Variants in PCM1 observed in about 807,000 individuals in gnomAD.
The protein encoded by PCM1 is pericentriolar material 1.
In PCM1, 157 loss-of-function variants were observed where a neutral mutation model predicts 241.9. That is an observed-to-expected ratio of 0.65 (90% CI 0.57 to 0.74). The LOEUF is 0.74. PCM1 is among the 30% of genes least tolerant of loss of function. The pLI, the probability that PCM1 is intolerant of heterozygous loss-of-function variation, is 0.00. For synonymous variants in PCM1, 1,085 were observed against 784.9 expected (o/e 1.38, Z -6.39); for missense variants, 3,478 against 2,360.1 (o/e 1.47, Z -9.81).
intron 11 of PCM1, 91 bp from the exon 12 acceptor site, chr8:17,957,173 T>G (rs1165717270): frequency 1.2e-5 from 12 of 988,910 alleles, no homozygotes; most frequent in Non-Finnish European, 1.8e-5. Flanking sequence ...TGTGCTTGGT[T>G]TGGTGTTATT....
At position 18,006,415 on chromosome 8, in the gene PCM1, T is replaced by C. The variant is rs987322298; in HGVS notation, c.4962+18T>C. On this transcript the variant is annotated intron_variant, in intron 30 of 38. Coordinates refer to ENST00000325083, the MANE Select transcript of PCM1 (RefSeq NM_006197.4). ...TATTACAGGTAAGAGTTTATACTTG[T>C]ATGATTTACCAATATGTACTGTGTG... is the stretch of plus-strand genomic sequence containing the variant. The C allele has an allele frequency of 1.3e-6, 2 of 1,575,564 alleles. No individual in the cohort carries two copies. The highest frequency in any genetic ancestry group is 1.7e-6 in the Non-Finnish European group (2 of 1,145,446).
chr8:17,968,762 G>GTGTGTGTGTGTA lies in PCM1; in HGVS notation c.3413-814_3413-813insGTGTGTGTGTAT, dbSNP rs373502456. Among the ~76,000 whole-genome samples, 381 of 136,770 alleles carry GTGTGTGTGTGTA rather than the reference G, an allele frequency of 2.8e-3. 1 individual carries two copies. The highest frequency in any genetic ancestry group is 7.9e-3 in the Middle Eastern group (2 of 252). 89.7% of individuals were successfully genotyped at this position (136,770 alleles called of 152,430 possible). Reference sequence around the variant, plus strand: ...TGTGTGTGTGTGTGTGTGTGTGTGTGTATATATATATATATACACACCACA... The same window carrying GTGTGTGTGTGTA: ...TGTGTGTGTGTGTGTGTGTGTGTGTGTGTGTGTGTGTATATATATATATATATACACACCACA... On this transcript the variant is annotated intron_variant, in intron 21 of 38. Transcript: ENST00000325083.
At chr8:17,991,503 C>T (rs760982427) in intron 27 of PCM1, 39 bp from the exon 28 acceptor site, 2 of 1,529,346 alleles carry the variant, frequency 1.3e-6, no homozygotes, top group Non-Finnish European at 1.8e-6. Flanking sequence ...AAAAAGTTCA[C>T]TTTTACATAC....
chr8:17,993,494 A>G lies in PCM1; in HGVS notation c.4702A>G (p.Ile1568Val), dbSNP rs1290354400. 1 of 1,565,872 alleles carries G rather than the reference A, an allele frequency of 6.4e-7. No individual in the cohort carries two copies. Among genetic ancestry groups the G allele is most frequent in the Non-Finnish European group, 8.6e-7 (1 of 1,156,782 alleles). The change falls in exon 29 of 39, where the codon ATT becomes GTT. Residue 1568 changes from isoleucine to valine, a missense_variant. Coordinates refer to ENST00000325083, the MANE Select transcript of PCM1 (RefSeq NM_006197.4). ...TTTTTAAAAATTAGAAACTCCCGTT[A>G]TTGAAAATCGTAGTTCACAACAACC... is the stretch of plus-strand genomic sequence containing the variant. ...TVNNLEETPVIENRSSQQPVS... is the reference protein window; with the variant it reads ...TVNNLEETPVVENRSSQQPVS...
intron 21 of PCM1, among the ~76,000 whole-genome samples, chr8:17,968,509 G>T (rs112915354): frequency 9.2e-5 from 14 of 152,074 alleles, no homozygotes; most frequent in African/African-American, 2.9e-4. Context: ...GTAACTGAAA[G>T]ACATTATAGT....
chr8:17,978,300 G>A (rs948294802), intron 23 of PCM1, among the ~76,000 whole-genome samples: 1 of 151,910 alleles, frequency 6.6e-6, no homozygotes, highest in African/African-American at 2.4e-5. Context: ...AAAACCAGGT[G>A]GACAAGCAAT....
chr8:17,944,714 C>T (rs2063230805), intron 6 of PCM1, among the ~76,000 whole-genome samples: 1 of 152,028 alleles, frequency 6.6e-6, no homozygotes, highest in Admixed American at 6.6e-5. Flanking sequence ...TTATTTTCTC[C>T]CTTCTGTATA....
Position 17,993,075 on chromosome 8 carries a change from G to A in PCM1, c.4691-408G>A, listed in dbSNP as rs115392596. Among the ~76,000 whole-genome samples the A allele has an allele frequency of 7.5e-3, 1,129 of 151,484 alleles. 10 individuals are homozygous for A. Among genetic ancestry groups the A allele is most frequent in the African/African-American group, 0.026 (1,078 of 41,302 alleles). On this transcript the variant is annotated intron_variant, in intron 28 of 38. Transcript: ENST00000325083. ...TACTCAGATGATTATTTCTTTTGCC[G>A]TGCAGAAACTTTTTAGTTTAAGTTC...
chr8:17,978,597 C>G (rs1362866011), intron 23 of PCM1, among the ~76,000 whole-genome samples: 1 of 151,988 alleles, frequency 6.6e-6, no homozygotes, highest in Non-Finnish European at 1.5e-5. Context: ...AACTGCAACT[C>G]AGGAACCTTG....
chr8:17,997,128 C>G lies in PCM1; in HGVS notation c.4827+3509C>G, dbSNP rs551667047. Among the ~76,000 whole-genome samples, 15 of 152,284 alleles carry G rather than the reference C, an allele frequency of 9.9e-5. No individual in the cohort carries two copies. In the East Asian group the frequency reaches 2.7e-3, roughly 27 times the overall value. On this transcript the variant is annotated intron_variant, in intron 29 of 38. Coordinates refer to ENST00000325083, the MANE Select transcript of PCM1 (RefSeq NM_006197.4). ...AGCTTTTGTCTGGGAAAGTATTTCT[C>G]CTTCGTGTTTGAAGGATATTTTTGC...
rs762829598 is a variant in PCM1 at position 17,957,709 on chromosome 8, G to T, written c.1974G>T (p.Lys658Asn). 213 of 1,613,366 alleles carry T rather than the reference G, an allele frequency of 1.3e-4. No individual in the cohort carries two copies. The Middle Eastern group carries it at 1.7e-3, about 13-fold the overall frequency. ...EHPEDAEFEQ[K>N]INRLMAAKQK... ...CAGAAGATGCTGAATTTGAACAGAA[G>T]ATCAACCGACTTATGGCTGCAAAAC... The change falls in exon 13 of 39, where the codon AAG (lysine) becomes AAT (asparagine). Residue 658 changes from lysine to asparagine, a missense_variant. Lys to Asn is a moderately conservative substitution (Grantham distance 94). Coordinates refer to ENST00000325083, the MANE Select transcript of PCM1 (RefSeq NM_006197.4).
Position 17,962,176 on chromosome 8 carries a change from T to C in PCM1, c.2463+2T>C, listed in dbSNP as rs1200593189. ...GATTCTTCAATAGTAGATAATGAGG[T>C]ATTGTAAATTGTACTCTCTTGTTCC... is the stretch of plus-strand genomic sequence containing the variant. On this transcript the variant is annotated splice_donor_variant, in intron 16 of 38. Transcript: ENST00000325083. LOFTEE classifies it high-confidence loss of function. The C allele has an allele frequency of 1.3e-6, 2 of 1,598,572 alleles. No homozygotes were observed. Among genetic ancestry groups the C allele is most frequent in the Admixed American group, 3.5e-5 (2 of 57,816 alleles).
chr8:17,930,145 C>G (rs1585558192), intron 2 of PCM1, among the ~76,000 whole-genome samples: 1 of 150,826 alleles, frequency 6.6e-6, no homozygotes, highest in East Asian at 2.0e-4. Flanking sequence ...GCTCTTCCGC[C>G]CAGGCCGGAG....
At chr8:17,972,221 G>C (rs2077088083) in intron 22 of PCM1, 108 bp from the exon 23 acceptor site, 1 of 538,984 alleles carries the variant, frequency 1.9e-6, no homozygotes, top group South Asian at 5.2e-5. Flanking sequence ...ATAGCCTGTT[G>C]ACAATTTTAT....
rs963618051 is a variant in PCM1 at position 18,029,945 on chromosome 8, A to G, written c.*2283A>G. The G allele has an allele frequency of 1.6e-5, 3 of 182,098 alleles. No homozygotes were observed. Among genetic ancestry groups the G allele is most frequent in the African/African-American group, 4.7e-5 (2 of 42,506 alleles). The allele number at this position is 182,098 out of a possible 1,614,324, so 11.3% of individuals were successfully genotyped here. A position where few individuals can be genotyped will look rare whatever the true frequency, so the allele number is the denominator to read the frequency against. ...CTGTTAATAAATATATATCCTGTAT[A>G]CAACCCTGAATTGTATTTTCTTTTA... On this transcript the variant is annotated 3_prime_UTR_variant, in exon 39 of 39. Transcript: ENST00000325083.
intron 2 of PCM1, among the ~76,000 whole-genome samples, chr8:17,928,886 C>T: frequency 6.6e-6 from 1 of 152,064 alleles, no homozygotes; most frequent in East Asian, 1.9e-4. Flanking sequence ...CCCACCTCAG[C>T]CTCCCACAGT....
intron 22 of PCM1, among the ~76,000 whole-genome samples, chr8:17,971,399 A>C (rs190347352): frequency 6.6e-6 from 1 of 152,318 alleles, no homozygotes; most frequent in Non-Finnish European, 1.5e-5. Flanking sequence ...GCACATTGGC[A>C]TATTAAAAGT....
At chr8:17,986,834 G>A (rs1307523270) in intron 26 of PCM1, among the ~76,000 whole-genome samples, 3 of 151,754 alleles carry the variant, frequency 2.0e-5, no homozygotes. Flanking sequence ...GAGATACATG[G>A]GTAAGAGTTT....
At chr8:18,012,079 C>G (rs142883637) in intron 34 of PCM1, among the ~76,000 whole-genome samples, 5 of 152,272 alleles carry the variant, frequency 3.3e-5, no homozygotes, top group African/African-American at 1.2e-4. Context: ...CTCATAGCCT[C>G]AAACTCCTGA....
Sources: allele counts gnomAD v4.1 joint callset (sites outside exome capture counted in the v4.1 genomes callset), GRCh38; gene constraint gnomAD v4.1.1; transcripts MANE v1.5; gene names NCBI Gene and HGNC (gene_info 2026-07-23, HGNC 2026-07-21).